CALN1: variants seen among roughly 807,000 people sequenced by gnomAD.
CALN1 encodes the protein calneuron 1.
Under a neutral mutation model 30.6 loss-of-function variants are expected in CALN1, and 17 were observed. The ratio of observed to expected loss-of-function variants is 0.56; its 90% CI spans 0.38 to 0.83. The LOEUF (loss-of-function observed/expected upper bound fraction) is 0.83, where lower values mean the gene tolerates loss of function less well. Among genes scored for constraint, CALN1 ranks in the 40% least tolerant of loss-of-function variants. CALN1 has a pLI of 0.00. For synonymous variants in CALN1, 156 were observed against 131.4 expected (o/e 1.19, Z -1.28); for missense variants, 291 against 354.9 (o/e 0.82, Z 1.45).
chr7:72,498,593 T>C, the CALN1 span, among the ~76,000 whole-genome samples: 2 of 152,140 alleles, frequency 1.3e-5, no homozygotes, highest in South Asian at 4.1e-4. Context: ...TCTTCAAAAA[T>C]GAATGCAAAG....
chr7:72,439,094 T>G (rs1217359418), intron 1 of CALN1, among the ~76,000 whole-genome samples: 1 of 152,204 alleles, frequency 6.6e-6, no homozygotes, highest in East Asian at 1.9e-4. Flanking sequence ...TGGAGTGCAG[T>G]GACGCCATTA....
rs186156342 is a variant in CALN1, at chr7:72,207,077, A to C, written c.244+71609T>G. On this transcript the variant is annotated intron_variant, in intron 3 of 6. Coordinates refer to ENST00000395275, the MANE Select transcript of CALN1 (RefSeq NM_031468.4). ...AAAATATCAACTATTACAATTTGCC[A>C]GAAAGAAAAAGATGCTAATGAACTA... Among the ~76,000 whole-genome samples, 211 of 152,334 alleles carry C rather than the reference A, an allele frequency of 1.4e-3. 3 individuals carry two copies. Among genetic ancestry groups the C allele is most frequent in the Non-Finnish European group, 3.1e-4 (21 of 68,036 alleles).
chr7:72,442,989 A>C (rs1808404562), intron 1 of CALN1, among the ~76,000 whole-genome samples: 1 of 152,072 alleles, frequency 6.6e-6, no homozygotes, highest in South Asian at 2.1e-4. Flanking sequence ...CACTTTATTA[A>C]GGGTTGTGCT....
intron 3 of CALN1, among the ~76,000 whole-genome samples, chr7:72,222,913 C>T (rs889757924): frequency 5.3e-5 from 8 of 151,892 alleles, no homozygotes; most frequent in Non-Finnish European, 8.8e-5. Context: ...CCCAGCTACT[C>T]GGGAGGTTGA....
intron 2 of CALN1, among the ~76,000 whole-genome samples, chr7:72,303,331 G>C (rs923872333): frequency 7.2e-5 from 11 of 152,064 alleles, no homozygotes; most frequent in African/African-American, 2.4e-4. Flanking sequence ...CTGCATACCA[G>C]GTGGCCAGAT....
At chr7:72,066,320 C>A (rs1360764105) in intron 4 of CALN1, among the ~76,000 whole-genome samples, 1 of 152,170 alleles carries the variant, frequency 6.6e-6, no homozygotes, top group Non-Finnish European at 1.5e-5. Context: ...TGGGAGTCTT[C>A]CTTTGGGCAT....
intron 3 of CALN1, among the ~76,000 whole-genome samples, chr7:72,196,493 CA>C (rs34649949): frequency 0.25 from 37,363 of 151,946 alleles, 5,850 homozygotes; most frequent in East Asian, 0.68. Context: ...CGGGATTGTA[CA>C]AAAAGTCATG....
intron 4 of CALN1, among the ~76,000 whole-genome samples, chr7:72,086,243 C>G (rs1268641100): frequency 6.6e-6 from 1 of 152,130 alleles, no homozygotes; most frequent in Non-Finnish European, 1.5e-5. Context: ...CTGTCCTAAA[C>G]TGTTTTAAGT....
chr7:72,065,677 A>C (rs1242230132), intron 4 of CALN1, among the ~76,000 whole-genome samples: 15 of 152,098 alleles, frequency 9.9e-5, no homozygotes, highest in Admixed American at 9.8e-4. Context: ...ATCTGTGTGG[A>C]AGTCAGGAGT....
At chr7:72,224,749 C>G (rs1054515287) in intron 3 of CALN1, among the ~76,000 whole-genome samples, 1 of 150,080 alleles carries the variant, frequency 6.7e-6, no homozygotes, top group Non-Finnish European at 1.5e-5. Context: ...CCACTGCACT[C>G]CAGCCTAGGC....
rs138127932 is a variant in CALN1, at chr7:72,048,795, T to C, written c.389-25026A>G. 5.1e-3 allele frequency among the ~76,000 whole-genome samples: 772 copies of C among 151,472 alleles called. 6 individuals are homozygous for C. The highest frequency in any genetic ancestry group is 8.8e-3 in the Admixed American group (134 of 15,168). ...CTTTTTCCCTCCCTTCCTCCTTCCT[T>C]TTTTCCTTCCTTCCTTCTCTTTCTT... On this transcript the variant is annotated intron_variant, in intron 4 of 6. Coordinates refer to ENST00000395275, the MANE Select transcript of CALN1 (RefSeq NM_031468.4).
chr7:72,449,021 T>C (rs1251088731), upstream of CALN1, among the ~76,000 whole-genome samples: 1 of 152,080 alleles, frequency 6.6e-6, no homozygotes, highest in Admixed American at 6.6e-5. Context: ...GTCAGGGGTG[T>C]CCAGGAGGGA....
intron 5 of CALN1, among the ~76,000 whole-genome samples, chr7:71,901,741 T>C (rs1317902176): frequency 1.3e-5 from 2 of 152,168 alleles, no homozygotes; most frequent in East Asian, 3.9e-4. Context: ...AATGACCCTC[T>C]CTCTCACCAT....
chr7:72,036,791 G>GA (rs1443569502), intron 4 of CALN1, among the ~76,000 whole-genome samples: 1 of 150,960 alleles, frequency 6.6e-6, no homozygotes, highest in Non-Finnish European at 1.5e-5. Flanking sequence ...TCTTTTTCAG[G>GA]AACAGCTTAT....
chr7:72,095,465 T>A (rs1806156082), intron 4 of CALN1, among the ~76,000 whole-genome samples: 1 of 152,190 alleles, frequency 6.6e-6, no homozygotes, highest in Admixed American at 6.5e-5. Context: ...TTAATGCTAA[T>A]TATGCTTATT....
At chr7:71,848,960 C>T (rs919445110) in intron 5 of CALN1, among the ~76,000 whole-genome samples, 1 of 152,072 alleles carries the variant, frequency 6.6e-6, no homozygotes, top group Non-Finnish European at 1.5e-5. Context: ...AACATTTTCT[C>T]CTGGTCTGTA....
chr7:72,024,459 C>A (rs866561990), intron 4 of CALN1, among the ~76,000 whole-genome samples: 3 of 152,108 alleles, frequency 2.0e-5, no homozygotes, highest in African/African-American at 7.2e-5. Flanking sequence ...AGTGCAATGG[C>A]GTGATCTCGG....
the CALN1 span, among the ~76,000 whole-genome samples, chr7:72,454,354 T>C: frequency 6.6e-6 from 1 of 152,046 alleles, no homozygotes. Flanking sequence ...GCAGGCTTGA[T>C]CAGGCACCCA....
intron 5 of CALN1, among the ~76,000 whole-genome samples, chr7:71,974,822 T>C (rs12530737): frequency 0.36 from 54,906 of 152,066 alleles, 10,773 homozygotes; most frequent in East Asian, 0.56. Context: ...TACGGCTCTG[T>C]AGCTCCGAGG....
Sources: allele counts gnomAD v4.1 joint callset (sites outside exome capture counted in the v4.1 genomes callset), GRCh38; gene constraint gnomAD v4.1.1; transcripts MANE v1.5; gene names NCBI Gene and HGNC (gene_info 2026-07-23, HGNC 2026-07-21).